FGR: variants seen among roughly 807,000 people sequenced by gnomAD.
FGR encodes the protein tyrosine-protein kinase Fgr.
A neutral mutation model predicts 63.2 loss-of-function variants in FGR; 26 were observed. That is an observed-to-expected ratio of 0.41 (90% CI 0.30 to 0.57). The LOEUF is 0.57. Among genes scored for constraint, FGR ranks in the 20% least tolerant of loss-of-function variants. FGR has a pLI of 0.27. For synonymous variants in FGR, 286 were observed against 277.7 expected (o/e 1.03, Z -0.30); for missense variants, 511 against 690.8 (o/e 0.74, Z 2.92).
intron 1 of FGR, chr1:27,626,361 C>G (rs2090021663): frequency 2.5e-6 from 1 of 396,620 alleles, no homozygotes; most frequent in Non-Finnish European, 4.4e-6. Flanking sequence ...GAAGAAAGGG[C>G]CCCCAGCTTC....
intron 4 of FGR, 116 bp downstream of exon 4, chr1:27,622,926 G>A: frequency 1.4e-6 from 1 of 729,430 alleles, no homozygotes; most frequent in Non-Finnish European, 2.5e-6. Flanking sequence ...TTATTGTTAT[G>A]TATATGTGTT....
At chr1:27,631,954 A>T (rs1271665538) in intron 1 of FGR, among the ~76,000 whole-genome samples, 3 of 150,218 alleles carry the variant, frequency 2.0e-5, no homozygotes, top group Non-Finnish European at 4.4e-5. Context: ...TCTGCAGGTG[A>T]CTCCCATCCC....
rs1462705158 is a variant in FGR, at chr1:27,615,889, C to A, written c.683-45G>T. The A allele has an allele frequency of 2.7e-6, 4 of 1,508,524 alleles. No individual in the cohort carries two copies. The highest frequency in any genetic ancestry group is 2.8e-5 in the African/African-American group (2 of 72,408). The allele number at this position is 1,508,524 out of a possible 1,614,324, so 93.4% of individuals were successfully genotyped here. A position where few individuals can be genotyped will look rare whatever the true frequency, so the allele number is the denominator to read the frequency against. On this transcript the variant is annotated intron_variant, in intron 7 of 12. Transcript: ENST00000374005. The surrounding 1 kb of genome is among the most constrained non-coding windows in gnomAD (Gnocchi z 7.6). ...GTAGAGTCACAGGTGGGCCAGGACA[C>A]CCCCCTCCACTCCTTATCCTATCCC...
rs898053298 is a variant in FGR, at chr1:27,616,056, T to A, written c.683-212A>T. 2.0e-5 allele frequency among the ~76,000 whole-genome samples: 3 copies of A among 152,142 alleles called. No homozygotes were observed. The highest frequency in any genetic ancestry group is 7.2e-5 in the African/African-American group (3 of 41,434). The stretch of plus-strand genomic sequence containing the variant: ...AGGGGGTGGCACCCAGAGGGAGAGA[T>A]GATCCCTGTAAGCCTTCTGTAAGGA... On this transcript the variant is annotated intron_variant, in intron 7 of 12. Transcript: ENST00000374005. The surrounding 1 kb of genome is among the most constrained non-coding windows in gnomAD (Gnocchi z 4.3).
intron 5 of FGR, 93 bp downstream of exon 5, chr1:27,621,466 G>T: frequency 1.2e-6 from 1 of 840,256 alleles, no homozygotes; most frequent in South Asian, 1.4e-5. Context: ...AGACAGGCTC[G>T]GACTGGAGCA....
intron 1 of FGR, among the ~76,000 whole-genome samples, chr1:27,630,589 G>C (rs1179670904): frequency 6.6e-6 from 1 of 152,134 alleles, no homozygotes; most frequent in East Asian, 1.9e-4. Flanking sequence ...GCAGGAGAGA[G>C]AGAGAGAGAG....
Position 27,612,792 on chromosome 1 carries a change from A to G in FGR, c.*122T>C. 1.1e-6 allele frequency: 1 copy of G among 902,780 alleles called. No homozygotes were observed. Among genetic ancestry groups the G allele is most frequent in the Non-Finnish European group, 1.7e-6 (1 of 595,750 alleles). The allele number at this position is 902,780 out of a possible 1,614,324, so 55.9% of individuals were successfully genotyped here. The stretch of plus-strand genomic sequence containing the variant: ...TGCCCTAGGTGGTGTCAGAGCAGCC[A>G]CGTCCTCGGTGATGCTAGGACTCTA... On this transcript the variant is annotated 3_prime_UTR_variant, in exon 13 of 13. Transcript: ENST00000374005.
In FGR at chr1:27,612,885, C is replaced by T. The variant is rs1274828584; in HGVS notation, c.*29G>A. 1 of 1,597,788 alleles carries T rather than the reference C, an allele frequency of 6.3e-7. No homozygotes were observed. Among genetic ancestry groups the T allele is most frequent in the African/African-American group, 1.3e-5 (1 of 74,646 alleles). On this transcript the variant is annotated 3_prime_UTR_variant, in exon 13 of 13. Coordinates refer to ENST00000374005, the MANE Select transcript of FGR (RefSeq NM_005248.3). ...GGGGATTGGCAAGGACTGGTGGCCA[C>T]CGCCAGAGAGGGTTGATGCCCGGAC...
At chr1:27,614,634 C>T (rs781471088) in intron 10 of FGR, 51 bp from the exon 11 acceptor site, 1 of 1,597,868 alleles carries the variant, frequency 6.3e-7, no homozygotes, top group Non-Finnish European at 8.6e-7. Context: ...CTCACAACAC[C>T]GTGGCCTGTT....
At chr1:27,623,278 TG>T (rs778171594) in intron 3 of FGR, 134 bp from the exon 4 acceptor site, 2 of 660,702 alleles carry the variant, frequency 3.0e-6, no homozygotes, top group Non-Finnish European at 5.4e-6. Flanking sequence ...CAAAGGCCTT[TG>T]GGGTCCAAGG....
Position 27,613,263 on chromosome 1 carries a change from A to T in FGR, c.1337T>A (p.Ile446Asn). 6.2e-7 allele frequency: 1 copy of T among 1,614,198 alleles called. No individual in the cohort carries two copies. Among genetic ancestry groups the T allele is most frequent in the South Asian group, 1.1e-5 (1 of 91,088 alleles). Residue 446 changes from isoleucine (I) to asparagine (N), a missense_variant, in exon 12 of 13, where the codon ATC becomes AAC. Ile to Asn is a moderately radical substitution (Grantham distance 149, BLOSUM62 -3). Transcript: ENST00000374005. ...CTTGGTGATGAGCTCAGTGAGCAGG[A>T]TCCCAAAGGACCACACGTCTGACTT... The part of the protein sequence containing the change: ...TIKSDVWSFG[I>N]LLTELITKGR...
At chr1:27,614,133 A>G (rs1349463408) in intron 11 of FGR, among the ~76,000 whole-genome samples, 1 of 152,230 alleles carries the variant, frequency 6.6e-6, no homozygotes, top group Non-Finnish European at 1.5e-5. Context: ...TTCAAGAATT[A>G]TAGCTGTGCC....
At position 27,616,785 on chromosome 1, in the gene FGR, C is replaced by T; in HGVS notation, c.682+72G>A. 6.5e-7 allele frequency: 1 copy of T among 1,543,866 alleles called. No individual in the cohort carries two copies. Among genetic ancestry groups the T allele is most frequent in the South Asian group, 1.1e-5 (1 of 89,212 alleles). Reference sequence around the variant, plus strand: ...ACTGCTTGGTAGTCCCTTCCCTTCTCTGGGCCTCAGTTCCCCCATCTGGAC... The same window carrying T: ...ACTGCTTGGTAGTCCCTTCCCTTCTTTGGGCCTCAGTTCCCCCATCTGGAC... On this transcript the variant is annotated intron_variant, in intron 7 of 12. Coordinates refer to ENST00000374005, the MANE Select transcript of FGR (RefSeq NM_005248.3). The surrounding 1 kb of genome is among the most constrained non-coding windows in gnomAD (Gnocchi z 4.3).
intron 2 of FGR, 63 bp from the exon 3 acceptor site, chr1:27,623,992 G>A (rs2089976553): frequency 2.5e-5 from 34 of 1,348,728 alleles, no homozygotes; most frequent in Non-Finnish European, 3.0e-5. Context: ...GTGCACACAC[G>A]CGCATGCACA....
At chr1:27,632,149 T>G (rs1276964826) in intron 1 of FGR, among the ~76,000 whole-genome samples, 2 of 151,596 alleles carry the variant, frequency 1.3e-5, no homozygotes, top group African/African-American at 4.8e-5. Flanking sequence ...TCTTTTTTTT[T>G]TTTTTGAAAC....
intron 2 of FGR, among the ~76,000 whole-genome samples, chr1:27,624,859 T>C (rs1401767018): frequency 6.6e-6 from 1 of 152,102 alleles, no homozygotes; most frequent in Admixed American, 6.6e-5. Context: ...TGTGAGTGTG[T>C]GTGAGGCTGT....
chr1:27,623,529 TG>T, intron 3 of FGR, 161 bp downstream of exon 3: 1 of 749,830 alleles, frequency 1.3e-6, no homozygotes, highest in Non-Finnish European at 2.3e-6. Flanking sequence ...TGGTTTCTGA[TG>T]GGAGGGCTGT....
intron 4 of FGR, among the ~76,000 whole-genome samples, 166 bp downstream of exon 4, chr1:27,622,876 C>A (rs947118256): frequency 6.6e-6 from 1 of 152,210 alleles, no homozygotes; most frequent in Non-Finnish European, 1.5e-5. Flanking sequence ...CCCAACACCA[C>A]CCCCCTCAAC....
At chr1:27,626,597 T>TG (rs1365701980) in intron 1 of FGR, 2 of 160,578 alleles carry the variant, frequency 1.2e-5, no homozygotes, top group African/African-American at 4.8e-5. Context: ...ATGTGTGTAT[T>TG]GGGTGGGGGT....
Sources: gnomAD v4.1 joint callset for allele counts (sites outside exome capture counted in the v4.1 genomes callset) on GRCh38, gnomAD v4.1.1 for gene constraint, Gnocchi (gnomAD v3.1) non-coding constraint, MANE v1.5 for transcripts, NCBI Gene and HGNC (gene_info 2026-07-23, HGNC 2026-07-21) for gene names.